The following NELL1 variants were observed in gnomAD, a reference collection of about 807,000 sequenced individuals.
NELL1 encodes protein kinase C-binding protein NELL1.
NELL1 carries 76 observed loss-of-function variants against 107.4 expected under a neutral mutation model. That is an observed-to-expected ratio of 0.71 (90% CI 0.59 to 0.86). NELL1 has a LOEUF of 0.86. Among genes scored for constraint, NELL1 ranks in the 40% least tolerant of loss-of-function variants. The pLI is 0.00. For missense variants in NELL1, 1,024 were observed against 1,005.5 expected, an observed-to-expected ratio of 1.02 and a Z score of -0.25; for synonymous variants, 353 against 341.2, an observed-to-expected ratio of 1.03 and a Z score of -0.38.
intron 16 of NELL1, among the ~76,000 whole-genome samples, chr11:21,537,382 A>G (rs1455023062): frequency 6.6e-6 from 1 of 151,866 alleles, no homozygotes; most frequent in Non-Finnish European, 1.5e-5. Flanking sequence ...TGATCTTTTC[A>G]TGCCTTGAAC....
intron 14 of NELL1, among the ~76,000 whole-genome samples, chr11:21,265,281 C>G (rs1038876625): frequency 6.6e-6 from 1 of 151,984 alleles, no homozygotes; most frequent in Non-Finnish European, 1.5e-5. Context: ...AGATGTTTTT[C>G]TTTTACTAAA....
intron 5 of NELL1, among the ~76,000 whole-genome samples, chr11:20,904,459 T>C (rs1436610922): frequency 6.6e-6 from 1 of 152,114 alleles, no homozygotes; most frequent in African/African-American, 2.4e-5. Flanking sequence ...ACAAACACCA[T>C]GTGTCTGCCT....
chr11:21,574,086 T>A (rs145872037), intron 19 of NELL1, among the ~76,000 whole-genome samples: 5 of 151,954 alleles, frequency 3.3e-5, no homozygotes. Context: ...GTAGCTGATT[T>A]GGAACAATCA....
At chr11:21,109,634 TG>T (rs1855058330) in intron 12 of NELL1, among the ~76,000 whole-genome samples, 2 of 152,156 alleles carry the variant, frequency 1.3e-5, no homozygotes, top group African/African-American at 4.8e-5. Flanking sequence ...TCTCTTTAAA[TG>T]TCAGTTTGTT....
intron 12 of NELL1, among the ~76,000 whole-genome samples, chr11:21,100,922 TTGG>T (rs1020431769): frequency 3.9e-5 from 6 of 152,234 alleles, no homozygotes; most frequent in Non-Finnish European, 8.8e-5. Flanking sequence ...ATGTGCCATG[TTGG>T]TGTGCTGCAC....
intron 2 of NELL1, among the ~76,000 whole-genome samples, chr11:20,714,368 ATT>A (rs34626801): frequency 4.9e-4 from 72 of 148,062 alleles, no homozygotes; most frequent in Non-Finnish European, 7.3e-4. Flanking sequence ...CACGCCCGGC[ATT>A]TTTTTTTTTG....
intron 2 of NELL1, among the ~76,000 whole-genome samples, chr11:20,755,694 T>C (rs1170829311): frequency 6.6e-6 from 1 of 151,544 alleles, no homozygotes; most frequent in Non-Finnish European, 1.5e-5. Flanking sequence ...TAACTGAGAT[T>C]ACAGGCATGA....
chr11:20,836,655 T>A (rs914162689), intron 3 of NELL1, among the ~76,000 whole-genome samples: 2 of 151,882 alleles, frequency 1.3e-5, no homozygotes, highest in Non-Finnish European at 2.9e-5. Context: ...TTTGGATGAA[T>A]CTTTAATGCA....
At chr11:21,312,489 C>T (rs1016218202) in intron 14 of NELL1, among the ~76,000 whole-genome samples, 2 of 152,106 alleles carry the variant, frequency 1.3e-5, no homozygotes, top group Non-Finnish European at 2.9e-5. Context: ...ATAGCAACTG[C>T]CATCAATCAC....
intron 13 of NELL1, among the ~76,000 whole-genome samples, chr11:21,176,039 C>T (rs1336149587): frequency 2.0e-5 from 3 of 151,696 alleles, no homozygotes; most frequent in Non-Finnish European, 4.4e-5. Flanking sequence ...ATTAGAATAC[C>T]CTACTATTTC....
intron 3 of NELL1, among the ~76,000 whole-genome samples, chr11:20,823,801 C>T (rs1361548475): frequency 2.6e-5 from 4 of 151,164 alleles, no homozygotes; most frequent in East Asian, 1.9e-4. Context: ...TGGTGGAAGG[C>T]GAGCCAAGGC....
chr11:21,039,108 A>T (rs1452088522), intron 12 of NELL1, among the ~76,000 whole-genome samples: 6 of 152,098 alleles, frequency 3.9e-5, no homozygotes, highest in Admixed American at 2.0e-4. Context: ...GTAAGGTCAG[A>T]GGTGAATTTG....
intron 12 of NELL1, among the ~76,000 whole-genome samples, chr11:21,075,461 CTTTG>C (rs112900279): frequency 0.15 from 22,644 of 151,854 alleles, 1,985 homozygotes; most frequent in Middle Eastern, 0.28. Flanking sequence ...TCAGATCAGT[CTTTG>C]TTTGTTTGTT....
chr11:21,367,135 A>G (rs1851241001), intron 14 of NELL1, among the ~76,000 whole-genome samples: 1 of 152,070 alleles, frequency 6.6e-6, no homozygotes, highest in Non-Finnish European at 1.5e-5. Context: ...ATTTTCTTGC[A>G]CAATGAAAAG....
At chr11:20,851,001 G>A (rs1247710917) in intron 4 of NELL1, among the ~76,000 whole-genome samples, 2 of 152,122 alleles carry the variant, frequency 1.3e-5, no homozygotes, top group African/African-American at 4.8e-5. Context: ...CAAAACCTTA[G>A]TCTAACCCAC....
chr11:20,741,240 T>C (rs1485341296), intron 2 of NELL1, among the ~76,000 whole-genome samples: 2 of 152,172 alleles, frequency 1.3e-5, no homozygotes, highest in African/African-American at 4.8e-5. Flanking sequence ...CTCATAGTGT[T>C]TTTCCCTCTG....
intron 13 of NELL1, among the ~76,000 whole-genome samples, chr11:21,191,949 G>C (rs1857059056): frequency 6.6e-6 from 1 of 151,866 alleles, no homozygotes; most frequent in South Asian, 2.1e-4. Context: ...TAGATAATAT[G>C]TGAAAGATAT....
intron 1 of NELL1, among the ~76,000 whole-genome samples, chr11:20,670,241 C>T (rs1001165842): frequency 1.3e-5 from 2 of 152,066 alleles, no homozygotes; most frequent in African/African-American, 2.4e-5. Flanking sequence ...GCGGCCGGGG[C>T]CCGGGAGGGC....
In NELL1 at chr11:20,776,461, A is replaced by C. The variant is rs568368979; in HGVS notation, c.185-7219A>C. Among the ~76,000 whole-genome samples the C allele has an allele frequency of 3.3e-5, 5 of 151,926 alleles. No individual in the cohort carries two copies. In the East Asian group the frequency reaches 9.7e-4, roughly 29 times the overall value. On this transcript the variant is annotated intron_variant, in intron 2 of 19. Coordinates refer to ENST00000357134, the MANE Select transcript of NELL1 (RefSeq NM_006157.5). The stretch of plus-strand genomic sequence containing the variant: ...AGATACTGTCTCAAAAAAATAAATA[A>C]AAATAAAATAAAATTTTATATATAT...
Sources: allele counts gnomAD v4.1 joint callset (sites outside exome capture counted in the v4.1 genomes callset), GRCh38; gene constraint gnomAD v4.1.1; transcripts MANE v1.5; gene names NCBI Gene and HGNC (gene_info 2026-07-23, HGNC 2026-07-21).